The following SPICE1 variants were observed in gnomAD, a reference collection of about 807,000 sequenced individuals.
The protein encoded by SPICE1 is spindle and centriole associated protein 1.
A neutral mutation model predicts 102.7 loss-of-function variants in SPICE1; 75 were observed. The ratio of observed to expected loss-of-function variants is 0.73; its 90% CI spans 0.61 to 0.88. SPICE1 has a LOEUF of 0.88. Among genes scored for constraint, SPICE1 ranks in the 40% least tolerant of loss-of-function variants. The probability of loss-of-function intolerance (pLI) is 0.00; values close to 1 mark genes in which losing one functional copy is unlikely to be tolerated. For synonymous variants in SPICE1, 308 were observed against 350.3 expected, an observed-to-expected ratio of 0.88 and a Z score of 1.35; for missense variants, 979 against 1,020.1, an observed-to-expected ratio of 0.96 and a Z score of 0.55.
chr3:113,453,027 C>T (rs1185415325), intron 14 of SPICE1, among the ~76,000 whole-genome samples: 3 of 152,008 alleles, frequency 2.0e-5, no homozygotes, highest in Non-Finnish European at 4.4e-5. Flanking sequence ...AAAAAAACCA[C>T]CTCATTTCTA....
chr3:113,490,795 G>A (rs1936748359), intron 6 of SPICE1, among the ~76,000 whole-genome samples: 2 of 152,168 alleles, frequency 1.3e-5, no homozygotes, highest in African/African-American at 2.4e-5. Flanking sequence ...CAGCAAATGA[G>A]GAGTTATCCT....
intron 14 of SPICE1, among the ~76,000 whole-genome samples, chr3:113,452,280 T>C (rs1292409345): frequency 6.6e-6 from 1 of 152,316 alleles, no homozygotes; most frequent in East Asian, 1.9e-4. Flanking sequence ...TGGGAACTTA[T>C]TAGAAATGCA....
intron 5 of SPICE1, among the ~76,000 whole-genome samples, chr3:113,493,797 T>C (rs1055583798): frequency 1.3e-5 from 2 of 152,246 alleles, no homozygotes; most frequent in Non-Finnish European, 2.9e-5. Context: ...TCCTGTACTT[T>C]ACACCATATT....
At chr3:113,477,857 A>G (rs1936393032) in intron 7 of SPICE1, among the ~76,000 whole-genome samples, 1 of 151,924 alleles carries the variant, frequency 6.6e-6, no homozygotes, top group Non-Finnish European at 1.5e-5. Context: ...TAATGGGTGC[A>G]GCACACCAGC....
At chr3:113,464,261 T>C (rs1294226496) in intron 11 of SPICE1, among the ~76,000 whole-genome samples, 1 of 150,834 alleles carries the variant, frequency 6.6e-6, no homozygotes, top group African/African-American at 2.4e-5. Flanking sequence ...TTGTTGTTTT[T>C]TTTTTTTTTT....
chr3:113,479,104 TC>T (rs1936430351), intron 7 of SPICE1, among the ~76,000 whole-genome samples: 1 of 149,680 alleles, frequency 6.7e-6, no homozygotes, highest in African/African-American at 2.4e-5. Context: ...TAGGTGTATC[TC>T]CTAATGCTAT....
chr3:113,479,828 A>C (rs182139964), intron 7 of SPICE1, among the ~76,000 whole-genome samples: 342 of 152,318 alleles, frequency 2.2e-3, no homozygotes, highest in Non-Finnish European at 3.8e-3. Context: ...GAATGTATTA[A>C]ATTCTCAACT....
chr3:113,481,554 A>G (rs1261546112), intron 7 of SPICE1, among the ~76,000 whole-genome samples: 1 of 151,836 alleles, frequency 6.6e-6, no homozygotes, highest in African/African-American at 2.4e-5. Context: ...TCCTAACGCT[A>G]TCCCTCCCCT....
chr3:113,507,946 A>G (rs549583612), intron 1 of SPICE1, among the ~76,000 whole-genome samples: 1 of 152,318 alleles, frequency 6.6e-6, no homozygotes, highest in South Asian at 2.1e-4. Flanking sequence ...AAAAAGATAC[A>G]GAATATAATA....
intron 10 of SPICE1, among the ~76,000 whole-genome samples, chr3:113,467,666 A>G (rs1280554139): frequency 6.6e-6 from 1 of 152,218 alleles, no homozygotes; most frequent in East Asian, 1.9e-4. Flanking sequence ...CCACTTAGAC[A>G]TTGAAGCCAT....
chr3:113,471,492 T>C (rs1228485508), intron 7 of SPICE1, among the ~76,000 whole-genome samples: 1 of 152,158 alleles, frequency 6.6e-6, no homozygotes, highest in East Asian at 1.9e-4. Context: ...GGAGGGAGTG[T>C]GGCCCTACTG....
At chr3:113,507,912 G>A (rs1937143472) in intron 1 of SPICE1, among the ~76,000 whole-genome samples, 1 of 152,148 alleles carries the variant, frequency 6.6e-6, no homozygotes. Context: ...CAATTAGTAA[G>A]TAGCAGAGCC....
Position 113,465,697 on chromosome 3 carries a change from T to C in SPICE1, c.1243A>G (p.Thr415Ala), listed in dbSNP as rs780961715. 2 of 1,613,954 alleles carry C rather than the reference T, an allele frequency of 1.2e-6. No homozygotes were observed. The highest frequency in any genetic ancestry group is 1.7e-5 in the Admixed American group (1 of 60,010). Reference sequence around the variant, plus strand: ...TCTCTAAGACGAAGAATTTCAGCTGTCAGAGCATCAATGAGCTCTCGATGA... The same window carrying C: ...TCTCTAAGACGAAGAATTTCAGCTGCCAGAGCATCAATGAGCTCTCGATGA... ...GDHRELIDAL[T>A]AEILRLREEN... The change falls in exon 11 of 18, where the codon ACA (threonine) becomes GCA (alanine). Residue 415 changes from threonine (T) to alanine (A), a missense_variant. By Grantham distance (58) the Thr-to-Ala change is moderately conservative. Transcript: ENST00000295872.
At chr3:113,467,988 C>G (rs1231513235) in intron 10 of SPICE1, 151 bp downstream of exon 10, 1 of 951,992 alleles carries the variant, frequency 1.1e-6, no homozygotes, top group African/African-American at 1.7e-5. Context: ...AAAGGATAAG[C>G]CTTTACTGCA....
At chr3:113,463,712 AC>A (rs1935986094) in intron 11 of SPICE1, among the ~76,000 whole-genome samples, 1 of 152,236 alleles carries the variant, frequency 6.6e-6, no homozygotes, top group South Asian at 2.1e-4. Context: ...ATACACAAAC[AC>A]AAAAAGTAGA....
At position 113,444,362 on chromosome 3, in the gene SPICE1, T is replaced by C. The variant is rs551504543; in HGVS notation, c.*945A>G. On this transcript the variant is annotated 3_prime_UTR_variant, in exon 18 of 18. Transcript: ENST00000295872. ...TGAAAATACACAAATTAGCTGGGCGTGGTGGCATGAACCTATAATCCTAGC... is the reference window on the plus strand; with the variant it reads ...TGAAAATACACAAATTAGCTGGGCGCGGTGGCATGAACCTATAATCCTAGC... The C allele has an allele frequency of 1.1e-4, 17 of 152,188 alleles. No individual in the cohort carries two copies. Among genetic ancestry groups the C allele is most frequent in the African/African-American group, 4.1e-4 (17 of 41,498 alleles). The allele number at this position is 152,188 out of a possible 1,614,324, so 9.4% of individuals were successfully genotyped here. A position where few individuals can be genotyped will look rare whatever the true frequency, so the allele number is the denominator to read the frequency against.
chr3:113,450,188 G>C (rs1385478563), intron 15 of SPICE1, 148 bp downstream of exon 15: 1 of 743,290 alleles, frequency 1.3e-6, no homozygotes, highest in African/African-American at 1.8e-5. Context: ...CACTTATCCT[G>C]TGAGTTAGGG....
At chr3:113,490,852 C>T (rs1018205058) in intron 6 of SPICE1, among the ~76,000 whole-genome samples, 1 of 152,190 alleles carries the variant, frequency 6.6e-6, no homozygotes, top group Non-Finnish European at 1.5e-5. Context: ...CCTGCCAACT[C>T]TACCTCATTT....
chr3:113,463,346 GA>G (rs1341674281), intron 11 of SPICE1, among the ~76,000 whole-genome samples: 2 of 152,108 alleles, frequency 1.3e-5, no homozygotes, highest in Non-Finnish European at 2.9e-5. Context: ...CCTGTACCTA[GA>G]ACAGTACCAG....
Sources: allele counts gnomAD v4.1 joint callset (sites outside exome capture counted in the v4.1 genomes callset), GRCh38; gene constraint gnomAD v4.1.1; transcripts MANE v1.5; gene names NCBI Gene and HGNC (gene_info 2026-07-23, HGNC 2026-07-21).